The following WWOX variants were observed in gnomAD, a reference collection of about 807,000 sequenced individuals.
WWOX encodes WW domain-containing oxidoreductase.
In WWOX, 69 loss-of-function variants were observed where a neutral mutation model predicts 46.2. The ratio of observed to expected loss-of-function variants is 1.49; its 90% CI spans 1.23 to 1.82. The LOEUF (loss-of-function observed/expected upper bound fraction) is 1.82. WWOX is among the 40% of genes most tolerant of loss of function. The pLI, the probability that WWOX is intolerant of heterozygous loss-of-function variation, is 0.00. For synonymous variants in WWOX, 359 were observed against 202.6 expected (o/e 1.77, Z -6.56); for missense variants, 919 against 542.6 (o/e 1.69, Z -6.89).
chr16:78,800,354 G>A (rs757535556), intron 8 of WWOX, among the ~76,000 whole-genome samples: 1 of 151,962 alleles, frequency 6.6e-6, no homozygotes, highest in Admixed American at 6.6e-5. Flanking sequence ...CAAATATGTT[G>A]CTTTAAAATT....
rs2050940660 is a variant in WWOX at position 78,803,168 on chromosome 16, CA to C, written c.1056+370418del. ...ACAGTTCTGATTTATTCCACTCACA[CA>C]ACAAGTCAGTTCTTAACACAAACCA... On this transcript the variant is annotated intron_variant, in intron 8 of 8. Transcript: ENST00000566780. Among the ~76,000 whole-genome samples, 8 of 151,168 alleles carry C rather than the reference CA, an allele frequency of 5.3e-5. No individual in the cohort carries two copies. The South Asian group carries it at 1.7e-3, about 32-fold the overall frequency.
intron 8 of WWOX, among the ~76,000 whole-genome samples, chr16:78,934,494 G>C (rs375497787): frequency 3.1e-4 from 41 of 130,678 alleles, no homozygotes; most frequent in African/African-American, 1.2e-3. Flanking sequence ...GGGCAACAGT[G>C]CGAAACCCTG....
intron 5 of WWOX, among the ~76,000 whole-genome samples, chr16:78,358,215 AC>A (rs1225294379): frequency 6.6e-6 from 1 of 152,152 alleles, no homozygotes; most frequent in Non-Finnish European, 1.5e-5. Context: ...TCTTGTATTT[AC>A]AAAAAAAAGA....
intron 4 of WWOX, among the ~76,000 whole-genome samples, chr16:78,115,433 G>C (rs1289284018): frequency 6.6e-6 from 1 of 152,160 alleles, no homozygotes; most frequent in Non-Finnish European, 1.5e-5. Context: ...CTCCGTCTAA[G>C]AGTTTTTGAC....
At chr16:78,874,363 G>C (rs573179923) in intron 8 of WWOX, among the ~76,000 whole-genome samples, 32 of 152,178 alleles carry the variant, frequency 2.1e-4, no homozygotes, top group African/African-American at 7.5e-4. Context: ...GGGTGAGTGA[G>C]AGGCTAGGAG....
At chr16:78,447,236 A>G (rs2083581933) in intron 8 of WWOX, among the ~76,000 whole-genome samples, 1 of 152,216 alleles carries the variant, frequency 6.6e-6, no homozygotes, top group Non-Finnish European at 1.5e-5. Flanking sequence ...AGAGGAAACT[A>G]GATCTGTAAC....
intron 8 of WWOX, among the ~76,000 whole-genome samples, chr16:79,090,951 G>C (rs917763066): frequency 6.6e-6 from 1 of 152,050 alleles, no homozygotes; most frequent in African/African-American, 2.4e-5. Flanking sequence ...TCATGCCACC[G>C]CACCCAGCTC....
chr16:79,139,543 C>T (rs927914644), intron 8 of WWOX, among the ~76,000 whole-genome samples: 8 of 152,142 alleles, frequency 5.3e-5, no homozygotes, highest in East Asian at 1.9e-4. Context: ...TCTTTAGCTT[C>T]TTTGGAATCG....
At chr16:78,687,105 G>C (rs1053351764) in intron 8 of WWOX, among the ~76,000 whole-genome samples, 1 of 151,314 alleles carries the variant, frequency 6.6e-6, no homozygotes, top group African/African-American at 2.4e-5. Context: ...TTTTTCCAAT[G>C]AGAGTACTGA....
intron 8 of WWOX, chr16:78,895,980 A>G (rs979166182): frequency 6.6e-6 from 1 of 152,198 alleles, no homozygotes; most frequent in East Asian, 1.9e-4. Context: ...CAGATACTCA[A>G]TTCCACTGTC....
intron 8 of WWOX, among the ~76,000 whole-genome samples, chr16:79,096,761 G>A (rs1029373752): frequency 9.2e-5 from 14 of 152,178 alleles, no homozygotes; most frequent in African/African-American, 3.4e-4. Flanking sequence ...GTTTATGCCT[G>A]CATCCCCATC....
intron 8 of WWOX, among the ~76,000 whole-genome samples, chr16:79,059,943 A>G (rs888046329): frequency 6.6e-6 from 1 of 152,178 alleles, no homozygotes; most frequent in African/African-American, 2.4e-5. Context: ...CTTTTGGTAC[A>G]CTGAGAGGTC....
rs757857491 is a variant in WWOX at position 79,192,994 on chromosome 16, C to G, written c.1057-18614C>G. Among the ~76,000 whole-genome samples the G allele has an allele frequency of 4.6e-5, 7 of 152,232 alleles. No homozygotes were observed. In the East Asian group the frequency reaches 7.7e-4, roughly 17 times the overall value. Reference sequence around the variant, plus strand: ...TCTCACATTCCTTTCTGCTACTTCTCTTTGGCTCACCAAAAGGAGACAGAA... The same window carrying G: ...TCTCACATTCCTTTCTGCTACTTCTGTTTGGCTCACCAAAAGGAGACAGAA... On this transcript the variant is annotated intron_variant, in intron 8 of 8. Coordinates refer to ENST00000566780, the MANE Select transcript of WWOX (RefSeq NM_016373.4).
At chr16:78,762,996 A>G (rs1282514280) in intron 8 of WWOX, among the ~76,000 whole-genome samples, 2 of 152,202 alleles carry the variant, frequency 1.3e-5, no homozygotes, top group African/African-American at 4.8e-5. Context: ...CCAGATGAGC[A>G]ATAGATCTCC....
intron 8 of WWOX, among the ~76,000 whole-genome samples, chr16:78,780,905 T>G (rs2050308668): frequency 6.6e-6 from 1 of 152,162 alleles, no homozygotes; most frequent in African/African-American, 2.4e-5. Context: ...TCTGGCTGCC[T>G]TGGGGAGCAT....
intron 8 of WWOX, among the ~76,000 whole-genome samples, chr16:79,052,439 CCCAAAGG>C (rs2048186261): frequency 6.6e-6 from 1 of 152,144 alleles, no homozygotes; most frequent in Non-Finnish European, 1.5e-5. Flanking sequence ...TGGGTGTATA[CCCAAAGG>C]ACTATAAATC....
At chr16:78,591,123 C>T (rs1206458810) in intron 8 of WWOX, among the ~76,000 whole-genome samples, 2 of 152,168 alleles carry the variant, frequency 1.3e-5, no homozygotes, top group Non-Finnish European at 2.9e-5. Context: ...GATTGTCTGT[C>T]AGCTTTTCCC....
chr16:78,970,234 G>A (rs897330429), intron 8 of WWOX, among the ~76,000 whole-genome samples: 1 of 152,152 alleles, frequency 6.6e-6, no homozygotes, highest in Non-Finnish European at 1.5e-5. Flanking sequence ...CCACAGCACG[G>A]TGTTGGCTCT....
chr16:78,546,188 C>G (rs372153609), intron 8 of WWOX, among the ~76,000 whole-genome samples: 1 of 152,112 alleles, frequency 6.6e-6, no homozygotes, highest in Non-Finnish European at 1.5e-5. Context: ...ATGTAAGTTA[C>G]TAATACAGCT....
Sources: allele counts gnomAD v4.1 joint callset (sites outside exome capture counted in the v4.1 genomes callset), GRCh38; gene constraint gnomAD v4.1.1; transcripts MANE v1.5; gene names NCBI Gene and HGNC (gene_info 2026-07-23, HGNC 2026-07-21).